EBF3: variants seen among roughly 807,000 people sequenced by gnomAD.
EBF3 encodes transcription factor COE3.
A neutral mutation model predicts 77.1 loss-of-function variants in EBF3; 18 were observed. The observed-to-expected ratio is 0.23, with a 90% CI of 0.16 to 0.35. EBF3 has a LOEUF of 0.35. EBF3 is among the 10% of genes least tolerant of loss of function. The probability of loss-of-function intolerance (pLI) is 1.00; values close to 1 mark genes in which losing one functional copy is unlikely to be tolerated. For missense variants in EBF3, 558 were observed against 860.0 expected, an observed-to-expected ratio of 0.65 and a Z score of 4.39; for synonymous variants, 350 against 343.5, an observed-to-expected ratio of 1.02 and a Z score of -0.21.
chr10:129,903,636 G>A (rs899334108), intron 6 of EBF3, among the ~76,000 whole-genome samples: 4 of 152,134 alleles, frequency 2.6e-5, no homozygotes. Context: ...GGTCCTTCTC[G>A]TGGATAAAGA....
At chr10:129,917,221 T>TA (rs1011843373) in intron 6 of EBF3, among the ~76,000 whole-genome samples, 42 of 152,064 alleles carry the variant, frequency 2.8e-4, no homozygotes, top group Non-Finnish European at 4.3e-4. Context: ...ATACAAAAAT[T>TA]AGCTGGGCGT....
intron 6 of EBF3, among the ~76,000 whole-genome samples, chr10:129,925,591 C>CAAAAAAAAA (rs11368338): frequency 4.4e-5 from 5 of 114,598 alleles, no homozygotes; most frequent in South Asian, 2.9e-4. Flanking sequence ...GACTCCATCT[C>CAAAAAAAAA]AAAAAAAAAA....
At chr10:129,895,514 A>G (rs1854309627) in intron 6 of EBF3, among the ~76,000 whole-genome samples, 1 of 152,160 alleles carries the variant, frequency 6.6e-6, no homozygotes, top group South Asian at 2.1e-4. Context: ...AGGCATTTCC[A>G]TTCCCCTTCA....
chr10:129,892,090 T>A (rs1854056573), intron 6 of EBF3, among the ~76,000 whole-genome samples: 1 of 152,204 alleles, frequency 6.6e-6, no homozygotes, highest in African/African-American at 2.4e-5. Flanking sequence ...GGGAAGCATT[T>A]CTCAGCAGCG....
intron 6 of EBF3, among the ~76,000 whole-genome samples, chr10:129,884,245 C>T (rs1017664035): frequency 2.6e-5 from 4 of 152,124 alleles, no homozygotes; most frequent in South Asian, 2.1e-4. Flanking sequence ...CGGGTTCGGG[C>T]GCTTCAGAGA....
chr10:129,866,639 G>A (rs1852030771), intron 10 of EBF3, among the ~76,000 whole-genome samples: 1 of 152,224 alleles, frequency 6.6e-6, no homozygotes, highest in South Asian at 2.1e-4. Flanking sequence ...CCAGGCTGGA[G>A]CAAGAAAGAC....
At chr10:129,900,628 A>C (rs935793064) in intron 6 of EBF3, among the ~76,000 whole-genome samples, 4 of 152,258 alleles carry the variant, frequency 2.6e-5, no homozygotes, top group Non-Finnish European at 5.9e-5. Flanking sequence ...ACTTTGAGGA[A>C]ATTTAACTTG....
At chr10:129,925,063 A>G (rs1299924650) in intron 6 of EBF3, among the ~76,000 whole-genome samples, 6 of 144,628 alleles carry the variant, frequency 4.1e-5, no homozygotes, top group Admixed American at 3.6e-4. Context: ...TGGATAAGCA[A>G]AATGTGGTGT....
rs768087859 is a variant in EBF3, at chr10:129,848,539, G to A, written c.1040-59C>T. The A allele has an allele frequency of 5.0e-4, 767 of 1,543,380 alleles. No homozygotes were observed. Among genetic ancestry groups the A allele is most frequent in the Non-Finnish European group, 6.3e-4 (701 of 1,115,812 alleles). ...ATTACTTTTATGTCATCCATTACTCGTTTATTGCACACTTACAAATAAATG... is the reference window on the plus strand; with the variant it reads ...ATTACTTTTATGTCATCCATTACTCATTTATTGCACACTTACAAATAAATG... On this transcript the variant is annotated intron_variant, in intron 10 of 16. Coordinates refer to ENST00000440978, the MANE Select transcript of EBF3 (RefSeq NM_001375380.1). This position sits in a 1 kb window ranked among gnomAD's most constrained non-coding sequence, Gnocchi z 4.4.
chr10:129,909,235 C>G (rs919174600), intron 6 of EBF3, among the ~76,000 whole-genome samples: 1 of 152,200 alleles, frequency 6.6e-6, no homozygotes, highest in African/African-American at 2.4e-5. Context: ...GAGGGATAGG[C>G]CCTCTGCATG....
At chr10:129,932,388 G>C (rs577988272) in intron 6 of EBF3, among the ~76,000 whole-genome samples, 1 of 152,318 alleles carries the variant, frequency 6.6e-6, no homozygotes, top group African/African-American at 2.4e-5. Flanking sequence ...TGTGGCAAAG[G>C]GTGCCCCTGT....
At chr10:129,851,457 G>T (rs1211210378) in intron 10 of EBF3, among the ~76,000 whole-genome samples, 1 of 152,140 alleles carries the variant, frequency 6.6e-6, no homozygotes, top group East Asian at 1.9e-4. Context: ...CCGAACACAT[G>T]TCACTGGGTT....
chr10:129,963,323 C>A lies in EBF3; in HGVS notation c.291+44G>T. 1 of 1,552,324 alleles carries A rather than the reference C, an allele frequency of 6.4e-7. No homozygotes were observed. Among genetic ancestry groups the A allele is most frequent in the Non-Finnish European group, 8.7e-7 (1 of 1,151,724 alleles). On this transcript the variant is annotated intron_variant, in intron 2 of 16. Coordinates refer to ENST00000440978, the MANE Select transcript of EBF3 (RefSeq NM_001375380.1). This position sits in a 1 kb window ranked among gnomAD's most constrained non-coding sequence, Gnocchi z 7.1. ...CCGCGCACCGGCACCGCCTGCCTCC[C>A]GCTTCTAGAAAGAGAGAGGGTGTGA...
intron 6 of EBF3, among the ~76,000 whole-genome samples, chr10:129,884,795 C>T (rs770373489): frequency 2.6e-5 from 4 of 152,164 alleles, no homozygotes; most frequent in East Asian, 1.9e-4. Flanking sequence ...AAAATATCCA[C>T]GGCTTGACTT....
intron 11 of EBF3, among the ~76,000 whole-genome samples, chr10:129,844,977 C>T (rs1850351563): frequency 1.3e-5 from 2 of 152,212 alleles, no homozygotes; most frequent in Non-Finnish European, 2.9e-5. Context: ...AAGATTGCTG[C>T]ATTTACAAGC....
Position 129,842,542 on chromosome 10 carries a change from T to C in EBF3, c.1195-249A>G, listed in dbSNP as rs1026032558. Reference sequence around the variant, plus strand: ...ATTTTGGGAGGTCAAGGCAGGCGGATCATCTGAGGTCAGGAGTTCAAGACC... The same window carrying C: ...ATTTTGGGAGGTCAAGGCAGGCGGACCATCTGAGGTCAGGAGTTCAAGACC... On this transcript the variant is annotated intron_variant, in intron 12 of 16. Coordinates refer to ENST00000440978, the MANE Select transcript of EBF3 (RefSeq NM_001375380.1). This position sits in a 1 kb window ranked among gnomAD's most constrained non-coding sequence, Gnocchi z 4.4. Among the ~76,000 whole-genome samples the C allele has an allele frequency of 4.6e-5, 7 of 152,048 alleles. No homozygotes were observed. In the South Asian group the frequency reaches 1.5e-3, roughly 32 times the overall value.
At chr10:129,892,414 C>G (rs1854081536) in intron 6 of EBF3, among the ~76,000 whole-genome samples, 1 of 152,228 alleles carries the variant, frequency 6.6e-6, no homozygotes, top group South Asian at 2.1e-4. Context: ...GTGCAATGAG[C>G]TGTTTGGCGA....
At chr10:129,868,495 A>G (rs1326397386) in intron 8 of EBF3, among the ~76,000 whole-genome samples, 2 of 152,248 alleles carry the variant, frequency 1.3e-5, no homozygotes, top group African/African-American at 4.8e-5. Context: ...TTGTTTGTCG[A>G]CAGGGATCCC....
intron 6 of EBF3, among the ~76,000 whole-genome samples, chr10:129,895,285 G>A (rs547396860): frequency 6.6e-6 from 1 of 152,334 alleles, no homozygotes; most frequent in Admixed American, 6.5e-5. Flanking sequence ...ATTGCCCTCT[G>A]CGAAGTGGAT....
Sources: allele counts gnomAD v4.1 joint callset (sites outside exome capture counted in the v4.1 genomes callset), GRCh38; gene constraint gnomAD v4.1.1; non-coding constraint Gnocchi (gnomAD v3.1); transcripts MANE v1.5; gene names NCBI Gene and HGNC (gene_info 2026-07-23, HGNC 2026-07-21).